The following NUP160 variants were observed in gnomAD, a reference collection of about 807,000 sequenced individuals.
The protein encoded by NUP160 is nucleoporin 160.
NUP160 carries 94 observed loss-of-function variants against 196.9 expected under a neutral mutation model. That is an observed-to-expected ratio of 0.48 (90% CI 0.40 to 0.57). The LOEUF (loss-of-function observed/expected upper bound fraction) is 0.57. NUP160 is among the 20% of genes least tolerant of loss of function. The pLI, the probability that NUP160 is intolerant of heterozygous loss-of-function variation, is 0.00. For missense variants in NUP160, 1,638 were observed against 1,748.3 expected (o/e 0.94, Z 1.13); for synonymous variants, 605 against 619.7 (o/e 0.98, Z 0.35).
intron 17 of NUP160, among the ~76,000 whole-genome samples, chr11:47,809,136 A>G (rs956728527): frequency 2.0e-5 from 3 of 150,800 alleles, no homozygotes; most frequent in African/African-American, 7.3e-5. Flanking sequence ...GAGTGGTGGT[A>G]TGTGCCTGTA....
At chr11:47,799,879 C>T (rs1248420075) in intron 23 of NUP160, among the ~76,000 whole-genome samples, 2 of 152,300 alleles carry the variant, frequency 1.3e-5, no homozygotes, top group Non-Finnish European at 2.9e-5. Flanking sequence ...CTTCTAGTGA[C>T]ATCATAGCCA....
At chr11:47,836,227 G>A (rs1852171677) in intron 6 of NUP160, among the ~76,000 whole-genome samples, 1 of 152,152 alleles carries the variant, frequency 6.6e-6, no homozygotes, top group African/African-American at 2.4e-5. Context: ...CAGCCTGAGT[G>A]ACAGAGCGAG....
intron 17 of NUP160, 126 bp from the exon 18 acceptor site, chr11:47,808,655 G>A (rs933395788): frequency 1.1e-5 from 7 of 644,192 alleles, no homozygotes; most frequent in African/African-American, 7.5e-5. Flanking sequence ...AAAGCAACAC[G>A]TTTTACATTT....
chr11:47,833,662 A>G (rs1852117333), intron 7 of NUP160, among the ~76,000 whole-genome samples: 1 of 152,156 alleles, frequency 6.6e-6, no homozygotes, highest in African/African-American at 2.4e-5. Flanking sequence ...ATAGTTGTGC[A>G]GAAAGGGTTA....
Position 47,826,560 on chromosome 11 carries a change from TCC to T in NUP160, c.1102-4398_1102-4397del, listed in dbSNP as rs11326952. On this transcript the variant is annotated intron_variant, in intron 7 of 35. Transcript: ENST00000378460. The stretch of plus-strand genomic sequence containing the variant: ...TTTCAGGGGGTCAGTGAGGTAAAAA[TCC>T]CCCCCCCCTTTTTTTTTTGAGACAG... 4.3e-3 allele frequency among the ~76,000 whole-genome samples: 614 copies of T among 143,382 alleles called. 3 individuals are homozygous for T. The highest frequency in any genetic ancestry group is 0.015 in the African/African-American group (560 of 38,338). The allele number at this position is 143,382 out of a possible 152,430, so 94.1% of individuals were successfully genotyped here. A position where few individuals can be genotyped will look rare whatever the true frequency, so the allele number is the denominator to read the frequency against.
At chr11:47,834,016 A>G (rs186290455) in intron 7 of NUP160, among the ~76,000 whole-genome samples, 1 of 152,324 alleles carries the variant, frequency 6.6e-6, no homozygotes, top group African/African-American at 2.4e-5. Context: ...ACTGAGCCCT[A>G]TGAGTCCTTT....
At chr11:47,815,724 C>T in intron 12 of NUP160, 75 bp from the exon 13 acceptor site, 1 of 1,287,266 alleles carries the variant, frequency 7.8e-7, no homozygotes, top group Non-Finnish European at 1.1e-6. Flanking sequence ...ACATAATTGT[C>T]CAATATCATT....
chr11:47,784,415 T>C (rs943855523), intron 33 of NUP160, among the ~76,000 whole-genome samples: 3 of 152,238 alleles, frequency 2.0e-5, no homozygotes, highest in African/African-American at 7.2e-5. Context: ...CATAGTGTTA[T>C]ATTATTTGAA....
intron 23 of NUP160, 123 bp downstream of exon 23, chr11:47,801,688 A>T (rs556208814): frequency 2.7e-5 from 25 of 919,174 alleles, no homozygotes; most frequent in South Asian, 2.6e-4. Flanking sequence ...CATTTTTTTT[A>T]AATTTGGAAG....
chr11:47,797,838 G>A (rs1246386148), exon 27 of NUP160: 1 of 1,612,936 alleles, frequency 6.2e-7, no homozygotes, highest in South Asian at 1.1e-5. Context: ...GTAATTGTGA[G>A]TCATAAGGTC....
At chr11:47,820,412 T>C (rs1851830688) in intron 9 of NUP160, 1 of 152,196 alleles carries the variant, frequency 6.6e-6, no homozygotes, top group Non-Finnish European at 1.5e-5. Flanking sequence ...CATTAAATTG[T>C]GTTATAATTT....
chr11:47,841,078 T>C (rs1852287394), intron 2 of NUP160, among the ~76,000 whole-genome samples: 1 of 152,142 alleles, frequency 6.6e-6, no homozygotes. Context: ...GCAAAAATAT[T>C]ACAAAAATAA....
chr11:47,847,887 C>T (rs751692108), exon 2 of NUP160: 2 of 1,613,914 alleles, frequency 1.2e-6, no homozygotes, highest in Non-Finnish European at 8.5e-7. Context: ...GAACAACTTG[C>T]CACTCTCCAC....
intron 2 of NUP160, 100 bp from the exon 3 acceptor site, chr11:47,840,688 T>C (rs1233191764): frequency 2.2e-6 from 2 of 913,406 alleles, no homozygotes; most frequent in East Asian, 5.0e-5. Context: ...TCACCAAATT[T>C]GAAAATTTTG....
intron 19 of NUP160, chr11:47,806,588 CATG>C (rs2097677787): frequency 1.6e-5 from 5 of 322,418 alleles, no homozygotes; most frequent in Middle Eastern, 9.0e-4. Context: ...AGAAATTCTT[CATG>C]ATAAATACAA....
At chr11:47,835,851 T>G (rs749617382) in intron 6 of NUP160, 42 bp from the exon 7 acceptor site, 1 of 1,467,964 alleles carries the variant, frequency 6.8e-7, no homozygotes, top group Non-Finnish European at 9.2e-7. Flanking sequence ...CAAGGGATAT[T>G]CAGGCTAGAA....
At chr11:47,795,429 G>A (rs1021446322) in intron 27 of NUP160, among the ~76,000 whole-genome samples, 1 of 152,032 alleles carries the variant, frequency 6.6e-6, no homozygotes, top group Admixed American at 6.6e-5. Flanking sequence ...CTTCCTATAT[G>A]ATTCAAGAAA....
exon 9 of NUP160, chr11:47,821,725 G>C: frequency 1.2e-6 from 2 of 1,608,668 alleles, no homozygotes; most frequent in Non-Finnish European, 1.7e-6. Context: ...GACCCATACT[G>C]TTCAAAGTTG....
chr11:47,787,103 A>ATTTTT (rs2097664976), intron 31 of NUP160: 5 of 9,136 alleles, frequency 5.5e-4, no homozygotes, highest in East Asian at 6.3e-3. Flanking sequence ...TTTTTTTTAA[A>ATTTTT]TTAAGATGGA....
Sources: gnomAD v4.1 joint callset for allele counts (sites outside exome capture counted in the v4.1 genomes callset) on GRCh38, gnomAD v4.1.1 for gene constraint, MANE v1.5 for transcripts, NCBI Gene and HGNC (gene_info 2026-07-23, HGNC 2026-07-21) for gene names.